Variants in PPARGC1B observed in about 807,000 individuals in gnomAD.
PPARGC1B encodes PPARG coactivator 1 beta.
A neutral mutation model predicts 101.6 loss-of-function variants in PPARGC1B; 34 were observed. That is an observed-to-expected ratio of 0.33 (90% CI 0.25 to 0.45). PPARGC1B has a LOEUF of 0.45. Among genes scored for constraint, PPARGC1B ranks in the 20% least tolerant of loss-of-function variants. PPARGC1B has a pLI of 1.00. For synonymous variants in PPARGC1B, 548 were observed against 539.3 expected (o/e 1.02, Z -0.22); for missense variants, 1,234 against 1,317.6 (o/e 0.94, Z 0.98).
At chr5:149,823,970 T>C (rs1194812188) in intron 2 of PPARGC1B, among the ~76,000 whole-genome samples, 2 of 152,142 alleles carry the variant, frequency 1.3e-5, no homozygotes, top group Non-Finnish European at 1.5e-5. Flanking sequence ...GTCTCTTTCC[T>C]GGGGCTTTAT....
chr5:149,817,905 AG>A, intron 1 of PPARGC1B: 2 of 443,200 alleles, frequency 4.5e-6, no homozygotes, highest in Non-Finnish European at 9.1e-6. Context: ...TGTCCAAACA[AG>A]ACTTGTATGC....
intron 1 of PPARGC1B, among the ~76,000 whole-genome samples, chr5:149,731,654 CTT>C (rs938551817): frequency 1.4e-4 from 21 of 150,588 alleles, no homozygotes; most frequent in Admixed American, 7.3e-4. Context: ...GAGAGGGAAA[CTT>C]TGCTTCTTGT....
At chr5:149,764,380 A>G (rs1440502992) in intron 1 of PPARGC1B, among the ~76,000 whole-genome samples, 2 of 152,188 alleles carry the variant, frequency 1.3e-5, no homozygotes, top group Non-Finnish European at 2.9e-5. Flanking sequence ...GGGCCCAAAC[A>G]TGAGGCTGAA....
intron 1 of PPARGC1B, among the ~76,000 whole-genome samples, chr5:149,778,104 CACACACAG>C (rs1470701173): frequency 0.018 from 2,027 of 113,224 alleles, 466 homozygotes; most frequent in African/African-American, 0.051. Context: ...CACACACACA[CACACACAG>C]AGTACCCAGC....
At chr5:149,813,129 G>T (rs556428067) in intron 1 of PPARGC1B, among the ~76,000 whole-genome samples, 1 of 152,254 alleles carries the variant, frequency 6.6e-6, no homozygotes, top group South Asian at 2.1e-4. Context: ...GCAGGGTGTC[G>T]GGCTGGGATC....
At chr5:149,808,917 G>A (rs1258668382) in intron 1 of PPARGC1B, among the ~76,000 whole-genome samples, 1 of 152,126 alleles carries the variant, frequency 6.6e-6, no homozygotes, top group Non-Finnish European at 1.5e-5. Flanking sequence ...TTCTGGAGAT[G>A]GATGGTGGTG....
At chr5:149,751,606 T>C (rs945862072) in intron 1 of PPARGC1B, among the ~76,000 whole-genome samples, 9 of 151,764 alleles carry the variant, frequency 5.9e-5, no homozygotes, top group African/African-American at 2.2e-4. Flanking sequence ...CTTGGGAGGC[T>C]GAGGCAGGAG....
At chr5:149,855,977 C>T (rs574329208), downstream of PPARGC1B, among the ~76,000 whole-genome samples, 5 of 152,072 alleles carry the variant, frequency 3.3e-5, no homozygotes, top group East Asian at 7.7e-4. Context: ...ATTAGCCCGG[C>T]GTGGTGAGGG....
rs1231480772 is a variant in PPARGC1B, at chr5:149,820,421, C to T, written c.79-12C>T. The stretch of plus-strand genomic sequence containing the variant: ...CAGCTCTGATCCACCTCTTTCCTTC[C>T]TGTCTCCTCAGGGTGGAGGGTCCGG... On this transcript the variant is annotated splice_polypyrimidine_tract_variant and intron_variant, in intron 1 of 11. Coordinates refer to ENST00000309241, the MANE Select transcript of PPARGC1B (RefSeq NM_133263.4). The T allele has an allele frequency of 6.2e-7, 1 of 1,611,918 alleles. No individual in the cohort carries two copies. The highest frequency in any genetic ancestry group is 1.7e-5 in the Admixed American group (1 of 59,956).
At chr5:149,782,291 GAT>G (rs1179895618) in intron 1 of PPARGC1B, among the ~76,000 whole-genome samples, 1 of 152,114 alleles carries the variant, frequency 6.6e-6, no homozygotes, top group African/African-American at 2.4e-5. Flanking sequence ...TCTTGTATAA[GAT>G]ATAAAGAAAC....
intron 1 of PPARGC1B, among the ~76,000 whole-genome samples, chr5:149,786,591 GAGGCAGGCGTGT>G: frequency 6.6e-6 from 1 of 152,352 alleles, no homozygotes; most frequent in South Asian, 2.1e-4. Context: ...CCAAGATCCA[GAGGCAGGCGTGT>G]GTGCAGATAC....
intron 1 of PPARGC1B, among the ~76,000 whole-genome samples, chr5:149,792,020 G>A (rs1757040041): frequency 6.6e-6 from 1 of 152,124 alleles, no homozygotes; most frequent in South Asian, 2.1e-4. Context: ...GGTGTCAGTG[G>A]GACAAAGGGT....
In PPARGC1B at chr5:149,830,793, C is replaced by G. The variant is rs369695607; in HGVS notation, c.492C>G (p.Ser164=). 9 of 1,614,140 alleles carry G rather than the reference C, an allele frequency of 5.6e-6. No homozygotes were observed. The highest frequency in any genetic ancestry group is 7.6e-6 in the Non-Finnish European group (9 of 1,179,984). Residue 164 remains serine (S), a synonymous_variant, in exon 4 of 12, where the codon TCC becomes TCG. Coordinates refer to ENST00000309241, the MANE Select transcript of PPARGC1B (RefSeq NM_133263.4). ...SLLQKLLLAT[S]YPTSSSDTQK... ...TGCAGAAGCTCCTCCTGGCCACATC[C>G]TACCCAACATCAAGCTCTGACACCC...
At chr5:149,736,565 C>T (rs1754718101) in intron 1 of PPARGC1B, among the ~76,000 whole-genome samples, 1 of 152,072 alleles carries the variant, frequency 6.6e-6, no homozygotes, top group Non-Finnish European at 1.5e-5. Context: ...TGTTCTTCTC[C>T]CCTTCTGATC....
chr5:149,822,523 C>CT (rs1216827421), intron 2 of PPARGC1B, among the ~76,000 whole-genome samples: 2 of 152,256 alleles, frequency 1.3e-5, no homozygotes, highest in Admixed American at 6.5e-5. Flanking sequence ...ATCGGAAACT[C>CT]TGAGTGTGGG....
intron 1 of PPARGC1B, among the ~76,000 whole-genome samples, chr5:149,751,085 C>T (rs937163520): frequency 2.0e-5 from 3 of 151,960 alleles, no homozygotes; most frequent in Non-Finnish European, 2.9e-5. Flanking sequence ...ATCTTAGATT[C>T]CTTTTACTTT....
rs148905042 is a variant in PPARGC1B at position 149,847,550 on chromosome 5, C to T, written c.3064C>T (p.Leu1022=). The change falls in exon 12 of 12, where the codon CTG becomes TTG. Residue 1022 remains leucine (L), a synonymous_variant. Coordinates refer to ENST00000309241, the MANE Select transcript of PPARGC1B (RefSeq NM_133263.4). The stretch of plus-strand genomic sequence containing the variant: ...CTTACTGAAAGAGGCCCAGCAGAGC[C>T]TGCATTGATAACAGCCTTAACCCTC... ...DSLLKEAQQS[L]H is the part of the protein sequence containing the mutation. 11 of 1,613,332 alleles carry T rather than the reference C, an allele frequency of 6.8e-6. No individual in the cohort carries two copies. The highest frequency in any genetic ancestry group is 8.5e-6 in the Non-Finnish European group (10 of 1,179,264).
At chr5:149,828,140 T>C (rs1454730814) in intron 3 of PPARGC1B, among the ~76,000 whole-genome samples, 2 of 152,214 alleles carry the variant, frequency 1.3e-5, no homozygotes, top group Non-Finnish European at 2.9e-5. Context: ...TATTCACTCC[T>C]AGTCTAGGAC....
chr5:149,792,764 T>G (rs538668913), intron 1 of PPARGC1B, among the ~76,000 whole-genome samples: 2 of 152,174 alleles, frequency 1.3e-5, no homozygotes, highest in African/African-American at 4.8e-5. Context: ...CATTCATTCA[T>G]TCATTCAGTC....
Sources: allele counts gnomAD v4.1 joint callset (sites outside exome capture counted in the v4.1 genomes callset), GRCh38; gene constraint gnomAD v4.1.1; transcripts MANE v1.5; gene names NCBI Gene and HGNC (gene_info 2026-07-23, HGNC 2026-07-21).